The following TWIST1 variants were observed in gnomAD, a reference collection of about 807,000 sequenced individuals.
The protein encoded by TWIST1 is twist family bHLH transcription factor 1, also known as twist-related protein 1.
A neutral mutation model predicts 12.9 loss-of-function variants in TWIST1; 8 were observed. That is an observed-to-expected ratio of 0.62 (90% CI 0.37 to 1.12). The LOEUF (loss-of-function observed/expected upper bound fraction) is 1.12. TWIST1 is among the 50% of genes most tolerant of loss of function. TWIST1 has a pLI of 0.02. For synonymous variants in TWIST1, 169 were observed against 138.7 expected (o/e 1.22, Z -1.54); for missense variants, 268 against 299.7 (o/e 0.89, Z 0.78).
At chr7:19,114,842 AATG>A (rs1171176818), downstream of TWIST1, among the ~76,000 whole-genome samples, 2 of 152,134 alleles carry the variant, frequency 1.3e-5, no homozygotes, top group Non-Finnish European at 2.9e-5. Flanking sequence ...ATAAAAAAAG[AATG>A]ATGCTTCCCA....
downstream of TWIST1, among the ~76,000 whole-genome samples, chr7:19,114,522 T>G (rs1021934633): frequency 6.6e-6 from 1 of 152,196 alleles, no homozygotes; most frequent in Non-Finnish European, 1.5e-5. Flanking sequence ...CTAATAATGT[T>G]AATTATAAAA....
rs1788593491 is a variant in TWIST1 at position 19,117,236 on chromosome 7, G to A, written c.86C>T (p.Pro29Leu). ...GCGTCCCCCGCGCTTGCCGCTCGGC[G>A]GCTGCTGCCGGTCTGGCTCTTCCTC... ...NSEEEPDRQQPPSGKRGGRKR... is the reference protein window; with the variant it reads ...NSEEEPDRQQLPSGKRGGRKR... The change falls in exon 1 of 2, where the codon CCG becomes CTG. Residue 29 changes from proline (P) to leucine (L), a missense_variant. Transcript: ENST00000242261. The A allele has an allele frequency of 1.4e-6, 2 of 1,421,580 alleles. No individual in the cohort carries two copies. The highest frequency in any genetic ancestry group is 3.2e-5 in the East Asian group (1 of 31,586). The allele number at this position is 1,421,580 out of a possible 1,614,324, so 88.1% of individuals were successfully genotyped here.
chr7:19,116,576 G>A, intron 1 of TWIST1, 95 bp downstream of exon 1: 2 of 989,088 alleles, frequency 2.0e-6, no homozygotes, highest in Non-Finnish European at 3.0e-6. Context: ...GAGAGTGGGA[G>A]AGGGGAGGAA....
intron 1 of TWIST1, 21 bp downstream of exon 1, chr7:19,116,650 G>T: frequency 1.3e-6 from 2 of 1,528,484 alleles, no homozygotes; most frequent in East Asian, 4.9e-5. Context: ...AGGCGAAGGG[G>T]TGCAGCGGCG....
At position 19,117,227 on chromosome 7, in the gene TWIST1, C is replaced by T. The variant is rs1196347469; in HGVS notation, c.95G>A (p.Gly32Asp). Residue 32 changes from glycine to aspartate, a missense_variant, in exon 1 of 2, where the codon GGC (glycine) becomes GAC (aspartate). Gly to Asp is a moderately conservative substitution (Grantham distance 94, BLOSUM62 -1). This residue lies in a region of TWIST1 where 189 missense variants were observed against 172.1 expected (regional missense o/e 1.10). Coordinates refer to ENST00000242261, the MANE Select transcript of TWIST1 (RefSeq NM_000474.4). ...GCGCCGCTTGCGTCCCCCGCGCTTG[C>T]CGCTCGGCGGCTGCTGCCGGTCTGG... ...EEPDRQQPPS[G>D]KRGGRKRRSS... The T allele has an allele frequency of 2.1e-6, 3 of 1,412,918 alleles. No individual in the cohort carries two copies. Among genetic ancestry groups the T allele is most frequent in the Non-Finnish European group, 2.8e-6 (3 of 1,080,048 alleles). 87.5% of individuals were successfully genotyped at this position (1,412,918 alleles called of 1,614,324 possible).
chr7:19,117,085 C>G lies in TWIST1; in HGVS notation c.237G>C (p.Ala79=). The G allele has an allele frequency of 1.4e-6, 2 of 1,380,398 alleles. No individual in the cohort carries two copies. The highest frequency in any genetic ancestry group is 1.9e-6 in the Non-Finnish European group (2 of 1,073,990). The allele number at this position is 1,380,398 out of a possible 1,614,324, so 85.5% of individuals were successfully genotyped here. Residue 79 remains alanine (A), a synonymous_variant, in exon 1 of 2, where the codon GCG becomes GCC. Coordinates refer to ENST00000242261, the MANE Select transcript of TWIST1 (RefSeq NM_000474.4). ...PAQGKRGKKS[A]GCGGGGGAGG... ...CCGCGCCGCCGCCGCCGCCACAGCC[C>G]GCAGACTTCTTGCCGCGCTTGCCCT... is the stretch of plus-strand genomic sequence containing the variant.
Position 19,117,524 on chromosome 7 carries a change from G to C in TWIST1, c.-203C>G. 1 of 1,184,114 alleles carries C rather than the reference G, an allele frequency of 8.4e-7. No individual in the cohort carries two copies. 73.4% of individuals were successfully genotyped at this position (1,184,114 alleles called of 1,614,324 possible). A position where few individuals can be genotyped will look rare whatever the true frequency, so the allele number is the denominator to read the frequency against. On this transcript the variant is annotated 5_prime_UTR_variant, in exon 1 of 2. Transcript: ENST00000242261. ...AGGGAGGCGGGAGGGGGAGGGGACG[G>C]TGTGGATGGCCCCGAGGTCCAAAAA...
chr7:19,114,434 G>A (rs1299504793), downstream of TWIST1, among the ~76,000 whole-genome samples: 1 of 152,138 alleles, frequency 6.6e-6, no homozygotes, highest in African/African-American at 2.4e-5. Flanking sequence ...TGATTTTCCA[G>A]TTTGAAAGCT....
chr7:19,116,688 C>A lies in TWIST1; in HGVS notation c.*25G>T. 1 of 1,581,694 alleles carries A rather than the reference C, an allele frequency of 6.3e-7. No individual in the cohort carries two copies. Among genetic ancestry groups the A allele is most frequent in the Non-Finnish European group, 8.6e-7 (1 of 1,165,216 alleles). On this transcript the variant is annotated 3_prime_UTR_variant, in exon 1 of 2. Coordinates refer to ENST00000242261, the MANE Select transcript of TWIST1 (RefSeq NM_000474.4). ...GTCCTTACCTAGGTCTCCGGCCCTG[C>A]TGAGGGGGTGGGGGGCTCCGCCTGC...
chr7:19,117,378 G>A lies in TWIST1; in HGVS notation c.-57C>T, dbSNP rs1478708252. Reference sequence around the variant, plus strand: ...CCGGGGCAGAGGAGAAGAGCGGGGCGCCTCAGCCCGCCAGCTTCCCCCGCG... The same window carrying A: ...CCGGGGCAGAGGAGAAGAGCGGGGCACCTCAGCCCGCCAGCTTCCCCCGCG... On this transcript the variant is annotated 5_prime_UTR_variant, in exon 1 of 2. Transcript: ENST00000242261. The A allele has an allele frequency of 1.3e-5, 17 of 1,350,660 alleles. No homozygotes were observed. The highest frequency in any genetic ancestry group is 1.5e-5 in the Non-Finnish European group (16 of 1,045,508). 83.7% of individuals were successfully genotyped at this position (1,350,660 alleles called of 1,614,324 possible).
At position 19,117,187 on chromosome 7, in the gene TWIST1, G is replaced by T. The variant is rs2522201; in HGVS notation, c.135C>A (p.Ser45Arg). Residue 45 changes from serine to arginine, a missense_variant, in exon 1 of 2, where the codon AGC (serine) becomes AGA (arginine). Physicochemically the swap from Ser to Arg is moderately radical, Grantham distance 110. Coordinates refer to ENST00000242261, the MANE Select transcript of TWIST1 (RefSeq NM_000474.4). ...GGRKRRSSRR[S>R]AGGGAGPGGA... ...CGCCGGGCCCCGCGCCGCCGCCCGC[G>T]CTGCGCCTGCTGCTGCGCCGCTTGC... is the stretch of plus-strand genomic sequence containing the variant. The T allele has an allele frequency of 2.2e-5, 26 of 1,187,766 alleles. No individual in the cohort carries two copies. In the Admixed American group the frequency reaches 1.2e-3, roughly 53 times the overall value. The allele number at this position is 1,187,766 out of a possible 1,614,324, so 73.6% of individuals were successfully genotyped here. A position where few individuals can be genotyped will look rare whatever the true frequency, so the allele number is the denominator to read the frequency against.
At chr7:19,116,406 GTC>G (rs973048897) in intron 1 of TWIST1, among the ~76,000 whole-genome samples, 20 of 152,314 alleles carry the variant, frequency 1.3e-4, no homozygotes, top group African/African-American at 4.3e-4. Context: ...GACCCTGGGT[GTC>G]TCTGTCTCCC....
chr7:19,113,701 G>A (rs1406787054), downstream of TWIST1: 1 of 152,016 alleles, frequency 6.6e-6, no homozygotes, highest in Non-Finnish European at 1.5e-5. Flanking sequence ...CTTCAGATTA[G>A]TATTTAATAT....
rs750238627 is a variant in TWIST1, at chr7:19,117,045, T to TGCC, written c.274_276dup (p.Gly92dup). The stretch of plus-strand genomic sequence containing the variant: ...TGCGGACTCCCGCCGCCGCTGCTGC[T>TGCC]GCCGCCGCCGCCGCCCGCGCCGCCG... On this transcript the variant is annotated inframe_insertion, in exon 1 of 2. Transcript: ENST00000242261. The TGCC allele has an allele frequency of 3.0e-5, 44 of 1,443,628 alleles. No homozygotes were observed. The highest frequency in any genetic ancestry group is 2.9e-4 in the Admixed American group (10 of 33,934). 89.4% of individuals were successfully genotyped at this position (1,443,628 alleles called of 1,614,324 possible).
In TWIST1 at chr7:19,117,553, A is replaced by T. The variant is rs534438992; in HGVS notation, c.-232T>A. On this transcript the variant is annotated 5_prime_UTR_variant, in exon 1 of 2. Transcript: ENST00000242261. ...GGATGGCCCCGAGGTCCAAAAAGAAAGCGCCCAACGGCTGGACGCACACCC... is the reference window on the plus strand; with the variant it reads ...GGATGGCCCCGAGGTCCAAAAAGAATGCGCCCAACGGCTGGACGCACACCC... 9 of 1,135,826 alleles carry T rather than the reference A, an allele frequency of 7.9e-6. No homozygotes were observed. Among genetic ancestry groups the T allele is most frequent in the African/African-American group, 5.0e-5 (3 of 60,556 alleles). 70.4% of individuals were successfully genotyped at this position (1,135,826 alleles called of 1,614,324 possible). A position where few individuals can be genotyped will look rare whatever the true frequency, so the allele number is the denominator to read the frequency against.
intron 1 of TWIST1, among the ~76,000 whole-genome samples, chr7:19,116,356 C>G (rs1168655415): frequency 1.3e-5 from 2 of 152,120 alleles, no homozygotes; most frequent in East Asian, 1.9e-4. Context: ...AATTGAAAGC[C>G]GAAAGAAAGG....
At position 19,116,994 on chromosome 7, in the gene TWIST1, G is replaced by C; in HGVS notation, c.328C>G (p.Arg110Gly). Residue 110 changes from arginine (R) to glycine (G), a missense_variant, in exon 1 of 2, where the codon CGG becomes GGG. This residue lies in a region of TWIST1 where 189 missense variants were observed against 172.1 expected (regional missense o/e 1.10). Coordinates refer to ENST00000242261, the MANE Select transcript of TWIST1 (RefSeq NM_000474.4). ...PQSYEELQTQ[R>G]VMANVRERQR... ...CGCTCCCGCACGTTGGCCATGACCC[G>C]CTGCGTCTGCAGCTCCTCGTAAGAC... The C allele has an allele frequency of 6.2e-7, 1 of 1,608,442 alleles. No homozygotes were observed. Among genetic ancestry groups the C allele is most frequent in the Non-Finnish European group, 8.5e-7 (1 of 1,179,146 alleles).
downstream of TWIST1, chr7:19,113,522 G>T (rs1481771622): frequency 1.3e-5 from 2 of 152,144 alleles, no homozygotes; most frequent in African/African-American, 4.8e-5. Flanking sequence ...TTCTAAAAAA[G>T]AATTTCACGA....
chr7:19,117,397 C>T lies in TWIST1; in HGVS notation c.-76G>A. 3 of 1,296,638 alleles carry T rather than the reference C, an allele frequency of 2.3e-6. No individual in the cohort carries two copies. The highest frequency in any genetic ancestry group is 9.8e-7 in the Non-Finnish European group (1 of 1,018,100). 80.3% of individuals were successfully genotyped at this position (1,296,638 alleles called of 1,614,324 possible). On this transcript the variant is annotated 5_prime_UTR_variant, in exon 1 of 2. Transcript: ENST00000242261. ...CGGGGCGCCTCAGCCCGCCAGCTTCCCCCGCGCGCGGCGCCGGCCCGGGCG... is the reference window on the plus strand; with the variant it reads ...CGGGGCGCCTCAGCCCGCCAGCTTCTCCCGCGCGCGGCGCCGGCCCGGGCG...
Sources: gnomAD v4.1 joint callset for allele counts (sites outside exome capture counted in the v4.1 genomes callset) on GRCh38, gnomAD v4.1.1 for gene constraint, gnomAD v4.1.1 regional missense constraint, MANE v1.5 for transcripts, NCBI Gene and HGNC (gene_info 2026-07-23, HGNC 2026-07-21) for gene names.